PPM1H: variants seen among roughly 807,000 people sequenced by gnomAD.
PPM1H encodes protein phosphatase 1H.
PPM1H carries 27 observed loss-of-function variants against 54.9 expected under a neutral mutation model. That is an observed-to-expected ratio of 0.49 (90% CI 0.36 to 0.68). The LOEUF (loss-of-function observed/expected upper bound fraction) is 0.68. Ranked by LOEUF, PPM1H falls within the 30% of genes least tolerant of loss-of-function variation. The pLI is 0.00. For synonymous variants in PPM1H, 305 were observed against 270.8 expected (o/e 1.13, Z -1.24); for missense variants, 596 against 667.8 (o/e 0.89, Z 1.19).
intron 1 of PPM1H, among the ~76,000 whole-genome samples, chr12:62,913,475 T>C (rs1871521260): frequency 6.6e-6 from 1 of 152,132 alleles, no homozygotes; most frequent in South Asian, 2.1e-4. Context: ...TACTCTGCCC[T>C]TCCATGCACC....
At chr12:62,837,556 T>C (rs189634522) in intron 1 of PPM1H, among the ~76,000 whole-genome samples, 1 of 152,300 alleles carries the variant, frequency 6.6e-6, no homozygotes, top group Admixed American at 6.5e-5. Flanking sequence ...GGGACAATGG[T>C]TGGAGAGAAC....
In PPM1H at chr12:62,757,722, C is replaced by T. The variant is rs183634599; in HGVS notation, c.870-20136G>A. Among the ~76,000 whole-genome samples, 29 of 152,344 alleles carry T rather than the reference C, an allele frequency of 1.9e-4. No homozygotes were observed. The East Asian group carries it at 5.0e-3, about 26-fold the overall frequency. Reference sequence around the variant, plus strand: ...CTCCAGAAAACACTCGGAAGCAGCTCTATCATTTAAGACCCATGTTTCTGT... The same window carrying T: ...CTCCAGAAAACACTCGGAAGCAGCTTTATCATTTAAGACCCATGTTTCTGT... On this transcript the variant is annotated intron_variant, in intron 4 of 9. Coordinates refer to ENST00000228705, the MANE Select transcript of PPM1H (RefSeq NM_020700.2).
At position 62,832,144 on chromosome 12, in the gene PPM1H, A is replaced by G. The variant is rs201010099; in HGVS notation, c.381T>C (p.Asn127=). Residue 127 remains asparagine, a synonymous_variant, in exon 2 of 10, where the codon AAT becomes AAC. Coordinates refer to ENST00000228705, the MANE Select transcript of PPM1H (RefSeq NM_020700.2). ...NSSKRRSSLP[N]GEGLQLKENS... ...TCTCCTTCAGCTGCAGCCCTTCCCC[A>G]TTGGGAAGGGAGGACCGTCTCTTGG... 6.2e-7 allele frequency: 1 copy of G among 1,613,388 alleles called. No individual in the cohort carries two copies.
At chr12:62,882,422 CA>C (rs1483220505) in intron 1 of PPM1H, among the ~76,000 whole-genome samples, 1 of 152,260 alleles carries the variant, frequency 6.6e-6, no homozygotes, top group Non-Finnish European at 1.5e-5. Flanking sequence ...ACCCCAAAGC[CA>C]GATAACATGT....
In PPM1H at chr12:62,788,342, G is replaced by C. The variant is rs2076685221; in HGVS notation, c.757-4C>G. 19 of 1,521,176 alleles carry C rather than the reference G, an allele frequency of 1.2e-5. No homozygotes were observed. Among genetic ancestry groups the C allele is most frequent in the Non-Finnish European group, 1.7e-5 (19 of 1,114,178 alleles). 94.2% of individuals were successfully genotyped at this position (1,521,176 alleles called of 1,614,324 possible). On this transcript the variant is annotated splice_region_variant and splice_polypyrimidine_tract_variant and intron_variant, in intron 3 of 9. Transcript: ENST00000228705. ...TCTCTCGTTCTATCTGTAGGTCCTG[G>C]AGAATAAAACAGAGTTAGTGTTGGA... is the stretch of plus-strand genomic sequence containing the variant.
chr12:62,702,444 T>C (rs2076148665), intron 6 of PPM1H, among the ~76,000 whole-genome samples: 2 of 152,008 alleles, frequency 1.3e-5, no homozygotes, highest in African/African-American at 4.8e-5. Context: ...CTCTGATTGC[T>C]TAACCCATGG....
intron 8 of PPM1H, among the ~76,000 whole-genome samples, chr12:62,669,558 T>C (rs1192978539): frequency 6.6e-6 from 1 of 152,180 alleles, no homozygotes; most frequent in East Asian, 1.9e-4. Flanking sequence ...GACTTTATGA[T>C]GACTGTGGAG....
intron 4 of PPM1H, among the ~76,000 whole-genome samples, chr12:62,741,299 G>T (rs535000525): frequency 3.9e-5 from 6 of 152,130 alleles, no homozygotes; most frequent in African/African-American, 1.4e-4. Flanking sequence ...CCTTGGTTCT[G>T]GTTTCCATCA....
At chr12:62,697,464 A>G (rs1219209051) in intron 6 of PPM1H, among the ~76,000 whole-genome samples, 1 of 152,118 alleles carries the variant, frequency 6.6e-6, no homozygotes, top group Non-Finnish European at 1.5e-5. Context: ...GAGTCAACCA[A>G]GCCCCCTCCC....
intron 6 of PPM1H, among the ~76,000 whole-genome samples, chr12:62,709,260 A>C (rs11174615): frequency 0.021 from 3,250 of 152,256 alleles, 97 homozygotes; most frequent in East Asian, 0.14. Context: ...CTCAGTCTCC[A>C]TGAATGCCCC....
chr12:62,686,085 C>T (rs2076049789), intron 8 of PPM1H, among the ~76,000 whole-genome samples: 2 of 152,198 alleles, frequency 1.3e-5, no homozygotes, highest in South Asian at 4.1e-4. Context: ...AAGTGACCAA[C>T]TCAGTGTCCT....
intron 3 of PPM1H, among the ~76,000 whole-genome samples, chr12:62,791,453 G>T (rs902757967): frequency 6.6e-6 from 1 of 152,072 alleles, no homozygotes; most frequent in Admixed American, 6.5e-5. Context: ...TTTAAAGAAC[G>T]CATATAAAGT....
At chr12:62,861,612 G>A (rs771786951) in intron 1 of PPM1H, among the ~76,000 whole-genome samples, 6 of 152,190 alleles carry the variant, frequency 3.9e-5, no homozygotes, top group Non-Finnish European at 5.9e-5. Flanking sequence ...GTAATAGATC[G>A]TTTAATTCCA....
chr12:62,759,238 C>T (rs576149747), intron 4 of PPM1H, among the ~76,000 whole-genome samples: 60 of 152,308 alleles, frequency 3.9e-4, no homozygotes, highest in African/African-American at 1.4e-3. Flanking sequence ...GGGACTCCTT[C>T]GGGAGACCAG....
chr12:62,915,634 C>T (rs1420492123), intron 1 of PPM1H, among the ~76,000 whole-genome samples: 1 of 152,122 alleles, frequency 6.6e-6, no homozygotes, highest in Non-Finnish European at 1.5e-5. Context: ...CAAGAGCAGC[C>T]CAGCAAGAGT....
At chr12:62,782,816 CACA>C (rs1334202110) in intron 4 of PPM1H, among the ~76,000 whole-genome samples, 3 of 152,058 alleles carry the variant, frequency 2.0e-5, no homozygotes, top group Non-Finnish European at 4.4e-5. Context: ...AAAATGAAAA[CACA>C]ACATTTATTT....
intron 1 of PPM1H, among the ~76,000 whole-genome samples, chr12:62,908,190 G>A (rs937901868): frequency 2.0e-5 from 3 of 152,130 alleles, no homozygotes; most frequent in South Asian, 2.1e-4. Context: ...GAGGGTGGGC[G>A]GATCACCTGA....
chr12:62,840,841 T>A (rs1471788997), intron 1 of PPM1H, among the ~76,000 whole-genome samples: 1 of 152,172 alleles, frequency 6.6e-6, no homozygotes, highest in African/African-American at 2.4e-5. Flanking sequence ...ACAGTTACTT[T>A]AGAAAAATAA....
At chr12:62,696,695 T>C (rs1389275878) in intron 6 of PPM1H, among the ~76,000 whole-genome samples, 1 of 152,230 alleles carries the variant, frequency 6.6e-6, no homozygotes, top group Non-Finnish European at 1.5e-5. Context: ...ATCTTCTACA[T>C]GCCAGACACC....
Sources: allele counts gnomAD v4.1 joint callset (sites outside exome capture counted in the v4.1 genomes callset), GRCh38; gene constraint gnomAD v4.1.1; transcripts MANE v1.5; gene names NCBI Gene and HGNC (gene_info 2026-07-23, HGNC 2026-07-21).